DIXDC1: variants seen among roughly 807,000 people sequenced by gnomAD.
The protein encoded by DIXDC1 is DIX domain containing 1.
A neutral mutation model predicts 103.1 loss-of-function variants in DIXDC1; 64 were observed. The observed-to-expected ratio is 0.62, with a 90% CI of 0.51 to 0.76. DIXDC1 has a LOEUF of 0.76. DIXDC1 is among the 30% of genes least tolerant of loss of function. DIXDC1 has a pLI of 0.00. For synonymous variants in DIXDC1, 266 were observed against 298.5 expected, an observed-to-expected ratio of 0.89 and a Z score of 1.12; for missense variants, 759 against 834.2, an observed-to-expected ratio of 0.91 and a Z score of 1.11.
In DIXDC1 at chr11:111,981,096, G is replaced by A. The variant is rs1860290863; in HGVS notation, c.769+247G>A. Reference sequence around the variant, plus strand: ...TAGATAGGCCCTTTCTCAGCTGGCTGCCTATGAATTAGGAAATGACTTTGG... The same window carrying A: ...TAGATAGGCCCTTTCTCAGCTGGCTACCTATGAATTAGGAAATGACTTTGG... On this transcript the variant is annotated intron_variant, in intron 6 of 19. Transcript: ENST00000440460. Among the ~76,000 whole-genome samples the A allele has an allele frequency of 2.0e-5, 3 of 152,300 alleles. No homozygotes were observed. In the South Asian group the frequency reaches 6.2e-4, roughly 32 times the overall value.
At chr11:112,012,540 A>G (rs1555177297) in intron 17 of DIXDC1, among the ~76,000 whole-genome samples, 1 of 152,204 alleles carries the variant, frequency 6.6e-6, no homozygotes, top group Non-Finnish European at 1.5e-5. Context: ...TTCATACCAT[A>G]TGCAAAAATC....
intron 1 of DIXDC1, among the ~76,000 whole-genome samples, chr11:111,941,519 A>C (rs1474938585): frequency 6.6e-6 from 1 of 152,044 alleles, no homozygotes; most frequent in Non-Finnish European, 1.5e-5. Context: ...GCAGTCCCTT[A>C]GAAATATAGG....
At chr11:111,934,608 T>C (rs1966136531), upstream of DIXDC1, among the ~76,000 whole-genome samples, 1 of 152,222 alleles carries the variant, frequency 6.6e-6, no homozygotes, top group Non-Finnish European at 1.5e-5. Context: ...AGCTCTTATG[T>C]TGATATTACA....
At chr11:111,984,403 C>A (rs145195232) in intron 7 of DIXDC1, among the ~76,000 whole-genome samples, 1 of 152,010 alleles carries the variant, frequency 6.6e-6, no homozygotes, top group African/African-American at 2.4e-5. Context: ...AAAAATTAGC[C>A]GGGTGTGGTG....
chr11:112,007,304 A>G (rs1305335430), intron 17 of DIXDC1, among the ~76,000 whole-genome samples: 1 of 152,230 alleles, frequency 6.6e-6, no homozygotes, highest in African/African-American at 2.4e-5. Flanking sequence ...ACATGGGACT[A>G]TGTGAAAAGA....
chr11:111,994,831 C>T (rs587629962), intron 14 of DIXDC1, among the ~76,000 whole-genome samples, 188 bp from the exon 15 acceptor site: 10 of 152,008 alleles, frequency 6.6e-5, no homozygotes, highest in African/African-American at 2.4e-4. Context: ...AAGTGCTGGG[C>T]ATACAGCAGT....
chr11:111,974,378 G>T (rs1195962503), intron 4 of DIXDC1, 124 bp downstream of exon 4: 4 of 924,234 alleles, frequency 4.3e-6, no homozygotes, highest in Non-Finnish European at 6.4e-6. Context: ...AGAACATGGA[G>T]TGGGGAGGTA....
rs1232534178 is a variant in DIXDC1, at chr11:111,995,402, G to A, written c.1528-1G>A. 1.2e-6 allele frequency: 2 copies of A among 1,611,082 alleles called. No homozygotes were observed. Among genetic ancestry groups the A allele is most frequent in the East Asian group, 2.2e-5 (1 of 44,902 alleles). ...CAGCAACACCTTATTTTTGCCCACAGACCAGCGACCTGCAGCTTGTTCGAG... is the reference window on the plus strand; with the variant it reads ...CAGCAACACCTTATTTTTGCCCACAAACCAGCGACCTGCAGCTTGTTCGAG... On this transcript the variant is annotated splice_acceptor_variant, in intron 15 of 19. Transcript: ENST00000440460. LOFTEE classifies it high-confidence loss of function.
rs1048812562 is a variant in DIXDC1 at position 111,974,912 on chromosome 11, C to A, written c.585C>A (p.Tyr195Ter). ...TGGATGAGGAAATTGAGAATCCATA[C>A]TGGAGTGTGCGGGCCCTAGTGCAGC... is the stretch of plus-strand genomic sequence containing the variant. ...SSMDEEIENP[Y>*]WSVRALVQQY... Residue 195 changes from tyrosine (Y) to a stop codon, truncating the protein, a stop_gained, in exon 5 of 20, where the codon TAC (tyrosine) becomes TAA (stop). Coordinates refer to ENST00000440460, the MANE Select transcript of DIXDC1 (RefSeq NM_001037954.4). LOFTEE classifies it high-confidence loss of function. 1 of 1,613,704 alleles carries A rather than the reference C, an allele frequency of 6.2e-7. No homozygotes were observed. The highest frequency in any genetic ancestry group is 8.5e-7 in the Non-Finnish European group (1 of 1,179,824).
At chr11:111,973,923 G>A (rs1860014741) in intron 3 of DIXDC1, 100 bp from the exon 4 acceptor site, 2 of 1,153,950 alleles carry the variant, frequency 1.7e-6, no homozygotes. Flanking sequence ...TTGCTTACCT[G>A]TATCACTAGC....
At chr11:111,968,483 T>A (rs782088660) in intron 2 of DIXDC1, 30 bp from the exon 3 acceptor site, 16 of 1,606,292 alleles carry the variant, frequency 1.0e-5, no homozygotes, top group Non-Finnish European at 1.2e-5. Flanking sequence ...TTCCTCCCTA[T>A]AACTTCCTAT....
upstream of DIXDC1, among the ~76,000 whole-genome samples, chr11:111,934,613 A>C (rs6589255): frequency 6.6e-6 from 1 of 152,136 alleles, no homozygotes. Flanking sequence ...TTATGTTGAT[A>C]TTACAACATG....
intron 2 of DIXDC1, among the ~76,000 whole-genome samples, chr11:111,967,914 C>T (rs1555171727): frequency 6.6e-6 from 1 of 152,220 alleles, no homozygotes. Context: ...CTTGCTCACT[C>T]CCCCAGCCAC....
At chr11:112,004,944 A>C (rs1192242561) in intron 17 of DIXDC1, among the ~76,000 whole-genome samples, 2 of 151,960 alleles carry the variant, frequency 1.3e-5, no homozygotes, top group Non-Finnish European at 2.9e-5. Context: ...GTCTTAACAT[A>C]TGTCTGGCAT....
At chr11:111,946,739 G>A (rs1966611021) in intron 1 of DIXDC1, 12 of 464,300 alleles carry the variant, frequency 2.6e-5, no homozygotes, top group South Asian at 1.3e-4. Flanking sequence ...CATTGAAGTC[G>A]GCCTGGGCAC....
chr11:111,961,134 G>T (rs71478708), intron 1 of DIXDC1, among the ~76,000 whole-genome samples: 1 of 152,234 alleles, frequency 6.6e-6, no homozygotes, highest in Non-Finnish European at 1.5e-5. Context: ...GAGTTTGCAG[G>T]AGGCTCCCAG....
At chr11:111,986,271 C>T (rs1270731867) in intron 8 of DIXDC1, among the ~76,000 whole-genome samples, 7 of 152,090 alleles carry the variant, frequency 4.6e-5, no homozygotes, top group Admixed American at 2.6e-4. Flanking sequence ...TTCTTGATCT[C>T]GCCCTGATAT....
chr11:111,937,160 C>T (rs1966227323), upstream of DIXDC1: 1 of 900,356 alleles, frequency 1.1e-6, no homozygotes, highest in Non-Finnish European at 1.3e-6. Flanking sequence ...TGCGTGCGGG[C>T]GTGCAGCGCG....
In DIXDC1 at chr11:111,958,345, C is replaced by T. The variant is rs1192189230; in HGVS notation, c.61-6204C>T. On this transcript the variant is annotated intron_variant, in intron 1 of 19. Coordinates refer to ENST00000440460, the MANE Select transcript of DIXDC1 (RefSeq NM_001037954.4). This position sits in a 1 kb window ranked among gnomAD's most constrained non-coding sequence, Gnocchi z 4.2. Reference sequence around the variant, plus strand: ...ACAGCTGTGGACCCAGGCATCGCTGCACTCTCAGGGGCTAGGCTTGGAAAT... The same window carrying T: ...ACAGCTGTGGACCCAGGCATCGCTGTACTCTCAGGGGCTAGGCTTGGAAAT... 6.6e-6 allele frequency among the ~76,000 whole-genome samples: 1 copy of T among 152,190 alleles called. No individual in the cohort carries two copies. The highest frequency in any genetic ancestry group is 1.5e-5 in the Non-Finnish European group (1 of 68,016).
Sources: allele counts gnomAD v4.1 joint callset (sites outside exome capture counted in the v4.1 genomes callset), GRCh38; gene constraint gnomAD v4.1.1; non-coding constraint Gnocchi (gnomAD v3.1); transcripts MANE v1.5; gene names NCBI Gene and HGNC (gene_info 2026-07-23, HGNC 2026-07-21).